Variants in PXDNL observed in about 807,000 individuals in gnomAD.
PXDNL encodes the protein peroxidasin like.
In PXDNL, 145 loss-of-function variants were observed where a neutral mutation model predicts 150.8. The ratio of observed to expected loss-of-function variants is 0.96; its 90% CI spans 0.84 to 1.10. PXDNL has a LOEUF of 1.10. PXDNL is among the 50% of genes least tolerant of loss of function. The pLI is 0.00. For missense variants in PXDNL, 2,087 were observed against 1,873.9 expected (o/e 1.11, Z -2.10); for synonymous variants, 757 against 725.7 (o/e 1.04, Z -0.69).
At chr8:51,563,239 T>A (rs770317182) in intron 3 of PXDNL, among the ~76,000 whole-genome samples, 3 of 152,020 alleles carry the variant, frequency 2.0e-5, no homozygotes, top group Non-Finnish European at 2.9e-5. Flanking sequence ...CTAACAGTTC[T>A]AGAGGCTGCA....
intron 2 of PXDNL, among the ~76,000 whole-genome samples, chr8:51,620,000 T>C (rs958791236): frequency 2.0e-5 from 3 of 152,196 alleles, no homozygotes; most frequent in Admixed American, 2.0e-4. Context: ...AAATCCGTTC[T>C]ACTTTTCTAT....
chr8:51,809,132 C>A (rs781476054), intron 1 of PXDNL, 49 bp downstream of exon 1: 1 of 1,591,410 alleles, frequency 6.3e-7, no homozygotes, highest in Non-Finnish European at 8.6e-7. Context: ...AGCAGAGAAG[C>A]AATGAAGCAT....
chr8:51,511,175 C>T (rs925983885), intron 4 of PXDNL, among the ~76,000 whole-genome samples: 11 of 152,148 alleles, frequency 7.2e-5, no homozygotes, highest in Admixed American at 7.2e-4. Flanking sequence ...TATTTGACCC[C>T]TCAATCATTC....
chr8:51,406,429 A>G (rs1808436443), intron 17 of PXDNL, among the ~76,000 whole-genome samples: 1 of 152,136 alleles, frequency 6.6e-6, no homozygotes, highest in South Asian at 2.1e-4. Context: ...GCCAGTTACC[A>G]TGTCAGGGAA....
At chr8:51,359,087 CCCAGTGAA>C (rs918189623) in intron 19 of PXDNL, among the ~76,000 whole-genome samples, 4 of 152,098 alleles carry the variant, frequency 2.6e-5, no homozygotes, top group African/African-American at 9.7e-5. Context: ...CATAGCCCAG[CCCAGTGAA>C]CCTGTCTCCT....
Position 51,654,689 on chromosome 8 carries a change from A to G in PXDNL, c.236T>C (p.Leu79Pro), listed in dbSNP as rs1242411404. Residue 79 changes from leucine to proline, a missense_variant and splice_region_variant, in exon 2 of 23, where the codon CTT becomes CCT. Transcript: ENST00000356297. ...AFKKLKNLNT[L>P]LLNNNHIRKI... ...TTACAGATAAGCAATAAGTACTCAC[A>G]GTGTGTTCAAATTCTTGAGTTTCTT... 1 of 1,610,408 alleles carries G rather than the reference A, an allele frequency of 6.2e-7. No homozygotes were observed. The highest frequency in any genetic ancestry group is 1.1e-5 in the South Asian group (1 of 91,016).
At chr8:51,549,591 A>C (rs1250539878) in intron 4 of PXDNL, among the ~76,000 whole-genome samples, 1 of 152,190 alleles carries the variant, frequency 6.6e-6, no homozygotes, top group Non-Finnish European at 1.5e-5. Flanking sequence ...TCTTTGGGTC[A>C]AAATTAAATC....
intron 12 of PXDNL, chr8:51,436,265 A>G: frequency 2.0e-6 from 1 of 504,580 alleles, no homozygotes; most frequent in African/African-American, 2.0e-5. Context: ...CAGAAGTTTT[A>G]TATCATAGAA....
chr8:51,525,301 T>C (rs1379362063), intron 4 of PXDNL, among the ~76,000 whole-genome samples: 1 of 152,168 alleles, frequency 6.6e-6, no homozygotes, highest in Non-Finnish European at 1.5e-5. Flanking sequence ...GTATGTAAAT[T>C]ATAGCTGTTC....
intron 2 of PXDNL, among the ~76,000 whole-genome samples, chr8:51,629,128 G>C (rs897192179): frequency 1.3e-5 from 2 of 151,610 alleles, no homozygotes; most frequent in Non-Finnish European, 2.9e-5. Flanking sequence ...AAGAAACCAC[G>C]GCAAAGAGAT....
At chr8:51,468,329 T>A (rs1004785075) in intron 8 of PXDNL, among the ~76,000 whole-genome samples, 2 of 151,956 alleles carry the variant, frequency 1.3e-5, no homozygotes, top group Non-Finnish European at 2.9e-5. Flanking sequence ...TATATAAAGG[T>A]TCATGAATTT....
chr8:51,809,299 C>A lies in PXDNL; in HGVS notation c.46G>T (p.Gly16Trp), dbSNP rs199928365. 3.2e-6 allele frequency: 5 copies of A among 1,581,132 alleles called. No individual in the cohort carries two copies. The highest frequency in any genetic ancestry group is 4.6e-5 in the East Asian group (2 of 43,416). The change falls in exon 1 of 23, where the codon GGG (glycine) becomes TGG (tryptophan). Residue 16 changes from glycine (G) to tryptophan (W), a missense_variant. By Grantham distance (184) the Gly-to-Trp change is radical (BLOSUM62 -2). Coordinates refer to ENST00000356297, the MANE Select transcript of PXDNL (RefSeq NM_144651.5). ...FCWTTLFLLA[G>W]WCLPGLPCPS... ...CAGGGCAACCCTGGCAGGCACCACC[C>A]GGCCAGGAGAAAGAGAGTGGTCCAG...
chr8:51,736,399 C>T (rs1817038807), intron 1 of PXDNL, among the ~76,000 whole-genome samples: 1 of 152,124 alleles, frequency 6.6e-6, no homozygotes, highest in African/African-American at 2.4e-5. Flanking sequence ...AAATAATGAC[C>T]CCTTAAAGCC....
intron 17 of PXDNL, among the ~76,000 whole-genome samples, chr8:51,378,054 G>C (rs557568828): frequency 6.6e-6 from 1 of 152,348 alleles, no homozygotes; most frequent in African/African-American, 2.4e-5. Context: ...TTAGCACTCT[G>C]TGTCTAGCTC....
At chr8:51,582,318 A>G (rs1734509476) in intron 3 of PXDNL, among the ~76,000 whole-genome samples, 1 of 152,138 alleles carries the variant, frequency 6.6e-6, no homozygotes, top group African/African-American at 2.4e-5. Context: ...AGACTCCAGA[A>G]CTGGGAGAAA....
intron 17 of PXDNL, among the ~76,000 whole-genome samples, chr8:51,374,963 C>G (rs1465593516): frequency 6.6e-6 from 1 of 152,122 alleles, no homozygotes; most frequent in Non-Finnish European, 1.5e-5. Context: ...TGACACCAAG[C>G]CTCATGCAAT....
intron 12 of PXDNL, among the ~76,000 whole-genome samples, chr8:51,444,840 G>A (rs1014929230): frequency 2.6e-5 from 4 of 151,950 alleles, no homozygotes; most frequent in African/African-American, 4.8e-5. Context: ...AGTAGCTCCC[G>A]TGGTTTCTGA....
At chr8:51,569,606 A>G (rs1812889726) in intron 3 of PXDNL, among the ~76,000 whole-genome samples, 1 of 152,006 alleles carries the variant, frequency 6.6e-6, no homozygotes, top group South Asian at 2.1e-4. Flanking sequence ...AATTCTATCT[A>G]AAAGTAACAT....
chr8:51,490,727 A>T (rs1399947861), intron 5 of PXDNL, among the ~76,000 whole-genome samples: 1 of 147,304 alleles, frequency 6.8e-6, no homozygotes, highest in East Asian at 2.0e-4. Context: ...TTGACTTTCT[A>T]GTGTGTGTGT....
Sources: gnomAD v4.1 joint callset for allele counts (sites outside exome capture counted in the v4.1 genomes callset) on GRCh38, gnomAD v4.1.1 for gene constraint, MANE v1.5 for transcripts, NCBI Gene and HGNC (gene_info 2026-07-23, HGNC 2026-07-21) for gene names.